DPYD: variants seen among roughly 807,000 people sequenced by gnomAD.
The protein encoded by DPYD is dihydropyrimidine dehydrogenase.
A neutral mutation model predicts 116.2 loss-of-function variants in DPYD; 109 were observed. The observed-to-expected ratio is 0.94, with a 90% CI of 0.80 to 1.10. The LOEUF (loss-of-function observed/expected upper bound fraction) is 1.10, where lower values mean the gene tolerates loss of function less well. Among genes scored for constraint, DPYD ranks in the 50% least tolerant of loss-of-function variants. The pLI is 0.00. For missense variants in DPYD, 1,302 were observed against 1,254.5 expected (o/e 1.04, Z -0.57); for synonymous variants, 440 against 432.0 (o/e 1.02, Z -0.23).
intron 18 of DPYD, among the ~76,000 whole-genome samples, chr1:97,248,402 A>AC (rs1243935409): frequency 6.6e-6 from 1 of 152,104 alleles, no homozygotes. Flanking sequence ...GTAAGATGTG[A>AC]TTGCTCCTCC....
chr1:97,396,078 A>G lies in DPYD; in HGVS notation c.1906-13617T>C, dbSNP rs558249044. ...TTGAGGTATTTTGTTATATAGGAAA[A>G]GCTAACTGATGCCACTTTTACTAAG... On this transcript the variant is annotated intron_variant, in intron 14 of 22. Transcript: ENST00000370192. Among the ~76,000 whole-genome samples the G allele has an allele frequency of 8.3e-5, 12 of 144,976 alleles. No homozygotes were observed. In the South Asian group the frequency reaches 1.2e-3, roughly 15 times the overall value.
intron 16 of DPYD, among the ~76,000 whole-genome samples, chr1:97,331,504 T>C (rs1380564496): frequency 6.6e-6 from 1 of 152,004 alleles, no homozygotes; most frequent in African/African-American, 2.4e-5. Flanking sequence ...CCTGCCAAAA[T>C]TGTGTATTGG....
chr1:97,876,482 C>T (rs924344038), intron 2 of DPYD, among the ~76,000 whole-genome samples: 1 of 151,970 alleles, frequency 6.6e-6, no homozygotes, highest in Non-Finnish European at 1.5e-5. Flanking sequence ...TGCCTGCCCT[C>T]GCCTACCTTT....
At chr1:97,268,162 C>T (rs1044301044) in intron 18 of DPYD, among the ~76,000 whole-genome samples, 1 of 152,166 alleles carries the variant, frequency 6.6e-6, no homozygotes, top group Admixed American at 6.5e-5. Flanking sequence ...TGTCCCACCT[C>T]CTGGACACAC....
chr1:97,425,399 C>A (rs1674806576), intron 14 of DPYD, among the ~76,000 whole-genome samples: 1 of 151,798 alleles, frequency 6.6e-6, no homozygotes, highest in African/African-American at 2.4e-5. Context: ...CAAAGTAGAC[C>A]AAACAATTAT....
At chr1:97,229,945 T>C (rs997766068) in intron 19 of DPYD, among the ~76,000 whole-genome samples, 2 of 152,132 alleles carry the variant, frequency 1.3e-5, no homozygotes, top group South Asian at 4.1e-4. Flanking sequence ...TTCACAATTC[T>C]GGTAAAAACA....
intron 1 of DPYD, among the ~76,000 whole-genome samples, chr1:97,906,003 T>C (rs907496196): frequency 6.6e-6 from 1 of 151,788 alleles, no homozygotes; most frequent in Non-Finnish European, 1.5e-5. Flanking sequence ...TGGAAACATG[T>C]TCTTAAGTAG....
chr1:97,462,552 C>T (rs1297949824), intron 13 of DPYD, among the ~76,000 whole-genome samples: 2 of 152,140 alleles, frequency 1.3e-5, no homozygotes, highest in African/African-American at 4.8e-5. Flanking sequence ...CTACCCTCCT[C>T]CTTTTGAAAT....
chr1:97,170,272 T>C (rs1347182841), intron 20 of DPYD, among the ~76,000 whole-genome samples: 2 of 152,172 alleles, frequency 1.3e-5, no homozygotes, highest in African/African-American at 4.8e-5. Flanking sequence ...GGCAGGTATA[T>C]CTAGGGTTTT....
At chr1:97,437,596 T>C (rs561615966) in intron 14 of DPYD, among the ~76,000 whole-genome samples, 56 of 152,072 alleles carry the variant, frequency 3.7e-4, no homozygotes, top group African/African-American at 1.3e-3. Context: ...CTGGGTCATA[T>C]GATGGGTATA....
At chr1:97,376,917 G>A (rs559426929) in intron 15 of DPYD, among the ~76,000 whole-genome samples, 6 of 110,352 alleles carry the variant, frequency 5.4e-5, no homozygotes, top group Non-Finnish European at 9.7e-5. Context: ...TGGACTCTGA[G>A]CCAAACTATA....
chr1:97,642,624 CG>C (rs1657992834), intron 8 of DPYD, among the ~76,000 whole-genome samples: 1 of 150,334 alleles, frequency 6.7e-6, no homozygotes, highest in Non-Finnish European at 1.5e-5. Context: ...AGTAAACTAT[CG>C]CAAGAACAAA....
chr1:97,134,015 ATATATATATATATATAT>A (rs1291904167), intron 20 of DPYD, among the ~76,000 whole-genome samples: 4 of 18,996 alleles, frequency 2.1e-4, no homozygotes, highest in African/African-American at 4.9e-4. Flanking sequence ...AAAAAAAAAA[ATATATATATATATATAT>A]ATATATATAT....
chr1:97,525,758 T>TAGAGAGAGAG (rs58098297), intron 12 of DPYD, among the ~76,000 whole-genome samples: 3,828 of 108,456 alleles, frequency 0.035, 101 homozygotes, highest in East Asian at 0.052. Flanking sequence ...CCTGGGTAAT[T>TAGAGAGAGAG]AGAGAGAGAG....
At chr1:97,298,916 T>G (rs1666702170) in intron 18 of DPYD, among the ~76,000 whole-genome samples, 3 of 152,116 alleles carry the variant, frequency 2.0e-5, no homozygotes, top group Admixed American at 6.6e-5. Context: ...AATTCACAGC[T>G]CACTGCTTGG....
chr1:97,141,208 C>T (rs7552825), intron 20 of DPYD, among the ~76,000 whole-genome samples: 43,871 of 151,968 alleles, frequency 0.29, 6,970 homozygotes, highest in East Asian at 0.43. Flanking sequence ...TATGCCAGAC[C>T]GAACTGGGAA....
intron 18 of DPYD, among the ~76,000 whole-genome samples, chr1:97,280,863 T>C (rs1261317463): frequency 6.6e-6 from 1 of 152,160 alleles, no homozygotes; most frequent in Non-Finnish European, 1.5e-5. Flanking sequence ...ATAGTGTATA[T>C]CTCAAGATAC....
rs890426273 is a variant in DPYD at position 97,774,011 on chromosome 1, C to T, written c.234-33532G>A. 5.9e-5 allele frequency among the ~76,000 whole-genome samples: 9 copies of T among 152,290 alleles called. 1 individual carries two copies. The highest frequency in any genetic ancestry group is 2.6e-4 in the Admixed American group (4 of 15,300). On this transcript the variant is annotated intron_variant, in intron 3 of 22. Coordinates refer to ENST00000370192, the MANE Select transcript of DPYD (RefSeq NM_000110.4). ...CACCTAAGCTGAAAGCACACTGTAA[C>T]ACACGTTCACTGGAGCTTTGGGAGC...
chr1:97,501,569 G>A (rs1466890532), intron 13 of DPYD, among the ~76,000 whole-genome samples: 1 of 151,952 alleles, frequency 6.6e-6, no homozygotes, highest in African/African-American at 2.4e-5. Context: ...ACATTAGCCA[G>A]GTGTGGTAGT....
Sources: allele counts gnomAD v4.1 joint callset (sites outside exome capture counted in the v4.1 genomes callset), GRCh38; gene constraint gnomAD v4.1.1; transcripts MANE v1.5; gene names NCBI Gene and HGNC (gene_info 2026-07-23, HGNC 2026-07-21).